XIRP2: variants seen among roughly 807,000 people sequenced by gnomAD.
The protein encoded by XIRP2 is xin actin-binding repeat-containing protein 2.
Under a neutral mutation model 277.0 loss-of-function variants are expected in XIRP2, and 236 were observed. The ratio of observed to expected loss-of-function variants is 0.85; its 90% CI spans 0.77 to 0.95. The LOEUF is 0.95. XIRP2 is among the 40% of genes least tolerant of loss of function. The pLI, the probability that XIRP2 is intolerant of heterozygous loss-of-function variation, is 0.00. For synonymous variants in XIRP2, 1,490 were observed against 1,416.5 expected (o/e 1.05, Z -1.17); for missense variants, 4,640 against 4,157.5 (o/e 1.12, Z -3.19).
chr2:167,093,743 T>A (rs939968124), intron 2 of XIRP2, among the ~76,000 whole-genome samples: 1 of 152,146 alleles, frequency 6.6e-6, no homozygotes, highest in South Asian at 2.1e-4. Context: ...TGGTTCCAAG[T>A]CTTTGCTATT....
intron 2 of XIRP2, among the ~76,000 whole-genome samples, chr2:167,131,710 T>A (rs1691382803): frequency 6.6e-6 from 1 of 152,178 alleles, no homozygotes; most frequent in Non-Finnish European, 1.5e-5. Flanking sequence ...TCACTCTCCA[T>A]CACACTTTAT....
In XIRP2 at chr2:167,251,871, C is replaced by T. The variant is rs1695519163; in HGVS notation, c.10479C>T (p.Gly3493=). ...TWQESGRVFK[G]LGYATADASA... ...AAGAGAGTGGAAGAGTTTTTAAAGG[C>T]CTGGGATATGCAACCGCAGATGCTT... The change falls in exon 9 of 11, where the codon GGC becomes GGT. Residue 3493 remains glycine, a synonymous_variant. Transcript: ENST00000409195. 1.9e-6 allele frequency: 3 copies of T among 1,609,240 alleles called. No homozygotes were observed. The Admixed American group carries it at 5.1e-5, about 27-fold the overall frequency.
intron 2 of XIRP2, among the ~76,000 whole-genome samples, chr2:167,000,519 T>TC (rs1687336761): frequency 6.6e-6 from 1 of 151,678 alleles, no homozygotes; most frequent in Non-Finnish European, 1.5e-5. Context: ...TTTTGTTTTT[T>TC]TTTTTGTTTT....
chr2:167,122,144 T>G lies in XIRP2; in HGVS notation c.409-13765T>G, dbSNP rs537431196. Among the ~76,000 whole-genome samples, 129 of 152,262 alleles carry G rather than the reference T, an allele frequency of 8.5e-4. 1 individual carries two copies. Among genetic ancestry groups the G allele is most frequent in the African/African-American group, 3.0e-3 (123 of 41,570 alleles). ...AATTAGGTAACATGCCCACAATCCC[T>G]GAATCAGCTCTTCCCCTCCCTGAAC... On this transcript the variant is annotated intron_variant, in intron 2 of 10. Coordinates refer to ENST00000409195, the MANE Select transcript of XIRP2 (RefSeq NM_152381.6).
intron 2 of XIRP2, among the ~76,000 whole-genome samples, chr2:167,123,721 A>G (rs1691122462): frequency 6.6e-6 from 1 of 152,050 alleles, no homozygotes; most frequent in African/African-American, 2.4e-5. Context: ...ATTTCTTCTG[A>G]TAAGGAGGAC....
intron 2 of XIRP2, among the ~76,000 whole-genome samples, chr2:167,025,746 T>A (rs1010189200): frequency 6.6e-6 from 1 of 152,164 alleles, no homozygotes; most frequent in Admixed American, 6.6e-5. Context: ...TTGTTCAGTT[T>A]CCATGTAGTT....
In XIRP2 at chr2:167,243,451, G is replaced by C. The variant is rs760437327; in HGVS notation, c.2059G>C (p.Gly687Arg). ...AVTISKDITG[G>R]DVKTVRYMFE... ...AACTATCAGTAAGGACATAACTGGGGGGGATGTCAAGACTGTGAGATACAT... is the reference window on the plus strand; with the variant it reads ...AACTATCAGTAAGGACATAACTGGGCGGGATGTCAAGACTGTGAGATACAT... Residue 687 changes from glycine to arginine, a missense_variant, in exon 9 of 11, where the codon GGG becomes CGG. Physicochemically the swap from Gly to Arg is moderately radical, Grantham distance 125 (BLOSUM62 -2). Coordinates refer to ENST00000409195, the MANE Select transcript of XIRP2 (RefSeq NM_152381.6). 1 of 1,614,000 alleles carries C rather than the reference G, an allele frequency of 6.2e-7. No individual in the cohort carries two copies. Among genetic ancestry groups the C allele is most frequent in the Admixed American group, 1.7e-5 (1 of 60,004 alleles).
intron 2 of XIRP2, among the ~76,000 whole-genome samples, chr2:167,042,344 A>G (rs1688678902): frequency 6.6e-6 from 1 of 152,210 alleles, no homozygotes; most frequent in Non-Finnish European, 1.5e-5. Context: ...TACTGACACT[A>G]TCCTTGAACA....
At chr2:167,128,574 T>G (rs1369971095) in intron 2 of XIRP2, among the ~76,000 whole-genome samples, 3 of 152,094 alleles carry the variant, frequency 2.0e-5, no homozygotes, top group African/African-American at 7.2e-5. Context: ...CAATCCCCCC[T>G]TGGATATTGA....
intron 2 of XIRP2, among the ~76,000 whole-genome samples, chr2:167,113,747 C>T (rs1038899579): frequency 2.0e-5 from 3 of 152,090 alleles, no homozygotes; most frequent in Non-Finnish European, 4.4e-5. Flanking sequence ...GATGTGTGTA[C>T]GTAAGTGTGT....
Position 167,258,793 on chromosome 2 carries a change from T to G in XIRP2, c.*976T>G, listed in dbSNP as rs1355298759. 4 of 1,613,280 alleles carry G rather than the reference T, an allele frequency of 2.5e-6. No homozygotes were observed. In the South Asian group the frequency reaches 3.3e-5, roughly 13 times the overall value. On this transcript the variant is annotated 3_prime_UTR_variant, in exon 11 of 11. Coordinates refer to ENST00000409195, the MANE Select transcript of XIRP2 (RefSeq NM_152381.6). ...ATGACACTGCAAATGAATATGAAAT[T>G]GAGAAGTTAGAAAATACATCTAGAA... is the stretch of plus-strand genomic sequence containing the variant.
chr2:167,245,086 C>T lies in XIRP2; in HGVS notation c.3694C>T (p.Gln1232Ter), dbSNP rs1301483484. ...KIKTLKTEDI[Q>*]KGNVLNCRWL... ...CAAAACCTTAAAAACTGAAGATATTCAGAAAGGCAATGTTTTAAATTGTAG... is the reference window on the plus strand; with the variant it reads ...CAAAACCTTAAAAACTGAAGATATTTAGAAAGGCAATGTTTTAAATTGTAG... Residue 1232 changes from glutamine to a stop codon, truncating the protein, a stop_gained, in exon 9 of 11, where the codon CAG (glutamine) becomes TAG (stop). Transcript: ENST00000409195. LOFTEE classifies it high-confidence loss of function. The T allele has an allele frequency of 6.2e-7, 1 of 1,609,908 alleles. No homozygotes were observed. The highest frequency in any genetic ancestry group is 2.2e-5 in the East Asian group (1 of 44,814).
At chr2:167,154,780 C>A (rs1376301220) in intron 3 of XIRP2, among the ~76,000 whole-genome samples, 1 of 151,924 alleles carries the variant, frequency 6.6e-6, no homozygotes, top group African/African-American at 2.4e-5. Flanking sequence ...ACACAAAAAA[C>A]CCTTCAAAAA....
intron 3 of XIRP2, among the ~76,000 whole-genome samples, chr2:167,154,136 G>C (rs867786739): frequency 0.013 from 1,782 of 138,394 alleles, 20 homozygotes; most frequent in South Asian, 0.026. Context: ...TTGTGGTTTT[G>C]ATTTGCATTT....
At chr2:167,058,619 C>T (rs1265419654) in intron 2 of XIRP2, among the ~76,000 whole-genome samples, 3 of 152,136 alleles carry the variant, frequency 2.0e-5, no homozygotes, top group Non-Finnish European at 2.9e-5. Context: ...TCCATGTTAC[C>T]TCCCTCCAGC....
intron 3 of XIRP2, among the ~76,000 whole-genome samples, chr2:167,189,797 G>A (rs1693272960): frequency 6.6e-6 from 1 of 152,106 alleles, no homozygotes; most frequent in South Asian, 2.1e-4. Flanking sequence ...CTGTCCTACA[G>A]TTCAATTCAG....
chr2:167,091,592 A>G (rs896760147), intron 2 of XIRP2, among the ~76,000 whole-genome samples: 13 of 151,962 alleles, frequency 8.6e-5, no homozygotes, highest in Admixed American at 2.0e-4. Flanking sequence ...ATTTTCTTGA[A>G]TATGTTGAAT....
chr2:167,209,737 A>G (rs549083313), intron 3 of XIRP2, among the ~76,000 whole-genome samples: 96 of 152,134 alleles, frequency 6.3e-4, no homozygotes, highest in South Asian at 1.5e-3. Context: ...GACAACAAAG[A>G]TCACTAGATT....
At chr2:167,213,061 A>G (rs1365191323) in intron 4 of XIRP2, among the ~76,000 whole-genome samples, 1 of 152,148 alleles carries the variant, frequency 6.6e-6, no homozygotes, top group Non-Finnish European at 1.5e-5. Context: ...AATCATATTT[A>G]CACATGTAAA....
Sources: gnomAD v4.1 joint callset for allele counts (sites outside exome capture counted in the v4.1 genomes callset) on GRCh38, gnomAD v4.1.1 for gene constraint, MANE v1.5 for transcripts, NCBI Gene and HGNC (gene_info 2026-07-23, HGNC 2026-07-21) for gene names.